The following SFMBT1 variants were observed in gnomAD, a reference collection of about 807,000 sequenced individuals.
SFMBT1 encodes Scm like with four mbt domains 1.
A neutral mutation model predicts 108.7 loss-of-function variants in SFMBT1; 32 were observed. That is an observed-to-expected ratio of 0.29 (90% confidence interval 0.22 to 0.40). The LOEUF is 0.40. Among genes scored for constraint, SFMBT1 ranks in the 10% least tolerant of loss-of-function variants. The pLI, the probability that SFMBT1 is intolerant of heterozygous loss-of-function variation, is 1.00. For missense variants in SFMBT1, 816 were observed against 1,059.6 expected, an observed-to-expected ratio of 0.77 and a Z score of 3.19; for synonymous variants, 348 against 369.5, an observed-to-expected ratio of 0.94 and a Z score of 0.67.
chr3:52,906,391 G>A (rs968950712), intron 19 of SFMBT1, 150 bp from the exon 20 acceptor site: 5 of 1,037,916 alleles, frequency 4.8e-6, no homozygotes, highest in East Asian at 2.5e-5. Flanking sequence ...AAAGACCCAC[G>A]TGCATCAGGT....
chr3:52,945,819 A>G (rs952564485), intron 3 of SFMBT1, among the ~76,000 whole-genome samples: 4 of 151,938 alleles, frequency 2.6e-5, no homozygotes, highest in African/African-American at 9.7e-5. Flanking sequence ...TCAAAAAAAA[A>G]AAAAAGAAAA....
chr3:52,978,793 G>GT (rs1559534831), intron 1 of SFMBT1, among the ~76,000 whole-genome samples: 1 of 152,042 alleles, frequency 6.6e-6, no homozygotes, highest in African/African-American at 2.4e-5. Flanking sequence ...AAGAAATGAA[G>GT]TACGAATACA....
intron 3 of SFMBT1, among the ~76,000 whole-genome samples, chr3:52,950,770 G>A (rs1049112856): frequency 9.3e-5 from 14 of 151,172 alleles, no homozygotes; most frequent in African/African-American, 3.2e-4. Context: ...CACCGTGCCC[G>A]GCTGCTGTCA....
chr3:52,988,758 A>G (rs894366391), intron 1 of SFMBT1, among the ~76,000 whole-genome samples: 2 of 152,226 alleles, frequency 1.3e-5, no homozygotes, highest in African/African-American at 4.8e-5. Flanking sequence ...GGACATGAGG[A>G]AAAAAACCAG....
chr3:52,906,156 C>G lies in SFMBT1; in HGVS notation c.2417G>C (p.Arg806Thr), dbSNP rs1159098136. 8 of 1,614,026 alleles carry G rather than the reference C, an allele frequency of 5.0e-6. No homozygotes were observed. The highest frequency in any genetic ancestry group is 1.6e-4 in the Middle Eastern group (1 of 6,062). Residue 806 changes from arginine to threonine, a missense_variant, in exon 20 of 21, where the codon AGA (arginine) becomes ACA (threonine). Transcript: ENST00000394752. ...TGCTAATGGAGCACAGTCAGTGGAT[C>G]TGATGAACCGCACAACGTCTGCCAC... ...WSVADVVRFI[R>T]STDCAPLARI...
At chr3:52,982,554 C>T (rs1041724554) in intron 1 of SFMBT1, among the ~76,000 whole-genome samples, 7 of 151,720 alleles carry the variant, frequency 4.6e-5, no homozygotes, top group African/African-American at 1.7e-4. Context: ...CAAGGTGAAA[C>T]GTCGTCTCTA....
intron 1 of SFMBT1, among the ~76,000 whole-genome samples, chr3:53,030,683 CAAAAAAAAAAAAA>C (rs10668462): frequency 4.8e-5 from 4 of 82,770 alleles, no homozygotes; most frequent in Admixed American, 1.6e-4. Context: ...GGCCATAATG[CAAAAAAAAAAAAA>C]AAAAAAAAAA....
At chr3:52,914,781 G>A (rs1183929079) in intron 14 of SFMBT1, among the ~76,000 whole-genome samples, 1 of 152,076 alleles carries the variant, frequency 6.6e-6, no homozygotes, top group Non-Finnish European at 1.5e-5. Context: ...GTCTATCATA[G>A]TGGCCAGTAT....
At chr3:53,030,286 AAT>A (rs1699637793) in intron 1 of SFMBT1, among the ~76,000 whole-genome samples, 1 of 152,158 alleles carries the variant, frequency 6.6e-6, no homozygotes. Context: ...TGGATGCGGA[AAT>A]ATATGATTTA....
chr3:53,012,543 C>G (rs1208674676), intron 1 of SFMBT1, among the ~76,000 whole-genome samples: 1 of 152,046 alleles, frequency 6.6e-6, no homozygotes, highest in African/African-American at 2.4e-5. Context: ...GCTGGGACTA[C>G]AGGCGCCCGC....
intron 1 of SFMBT1, among the ~76,000 whole-genome samples, chr3:53,012,576 G>A (rs1180415507): frequency 1.3e-5 from 2 of 151,378 alleles, no homozygotes; most frequent in Admixed American, 6.6e-5. Flanking sequence ...CTAATTTTTT[G>A]TATTTTTAGT....
At chr3:52,983,361 G>A (rs1308549572) in intron 1 of SFMBT1, among the ~76,000 whole-genome samples, 7 of 152,072 alleles carry the variant, frequency 4.6e-5, no homozygotes, top group Non-Finnish European at 7.3e-5. Context: ...TATAAAATAC[G>A]TGTTGATTGA....
At chr3:52,928,567 C>G (rs1443523215) in intron 8 of SFMBT1, 2 of 265,366 alleles carry the variant, frequency 7.5e-6, no homozygotes, top group African/African-American at 5.6e-5. Flanking sequence ...GAGGTAAGTA[C>G]ATATACATAT....
chr3:52,912,009 G>A (rs747906657), intron 16 of SFMBT1, among the ~76,000 whole-genome samples: 64 of 152,022 alleles, frequency 4.2e-4, no homozygotes, highest in Middle Eastern at 3.4e-3. Context: ...CTTAAATTTC[G>A]TATTTCTTAT....
chr3:52,924,101 C>G (rs1372342308), intron 10 of SFMBT1, among the ~76,000 whole-genome samples: 1 of 152,200 alleles, frequency 6.6e-6, no homozygotes, highest in African/African-American at 2.4e-5. Context: ...AGCAAAATAA[C>G]TTCCACATTG....
intron 1 of SFMBT1, among the ~76,000 whole-genome samples, chr3:53,027,332 C>T (rs568687586): frequency 6.6e-6 from 1 of 152,094 alleles, no homozygotes; most frequent in Admixed American, 6.5e-5. Flanking sequence ...ACGCTTTACA[C>T]TTTTTTGACA....
chr3:52,995,883 C>T lies in SFMBT1; in HGVS notation c.-130-26625G>A, dbSNP rs922024313. Reference sequence around the variant, plus strand: ...GGTCAGGAGTTCGAGACCAGCCTGGCCAACATGGTGAAACCCCGTCTCTAC... The same window carrying T: ...GGTCAGGAGTTCGAGACCAGCCTGGTCAACATGGTGAAACCCCGTCTCTAC... On this transcript the variant is annotated intron_variant, in intron 1 of 20. Transcript: ENST00000394752. Among the ~76,000 whole-genome samples, 18 of 149,210 alleles carry T rather than the reference C, an allele frequency of 1.2e-4. 1 individual carries two copies. Among genetic ancestry groups the T allele is most frequent in the Non-Finnish European group, 2.5e-4 (17 of 66,712 alleles).
chr3:53,044,675 G>A (rs998319615), intron 1 of SFMBT1, among the ~76,000 whole-genome samples: 1 of 152,204 alleles, frequency 6.6e-6, no homozygotes, highest in East Asian at 1.9e-4. Flanking sequence ...GAAGACATAC[G>A]CAGGGATTGA....
At chr3:53,013,789 C>A (rs573045455) in intron 1 of SFMBT1, among the ~76,000 whole-genome samples, 1 of 151,692 alleles carries the variant, frequency 6.6e-6, no homozygotes, top group African/African-American at 2.4e-5. Flanking sequence ...CCACCACACC[C>A]AGCTAATTTT....
Sources: allele counts gnomAD v4.1 joint callset (sites outside exome capture counted in the v4.1 genomes callset), GRCh38; gene constraint gnomAD v4.1.1; transcripts MANE v1.5; gene names NCBI Gene and HGNC (gene_info 2026-07-23, HGNC 2026-07-21).